The following TIMM21 variants were observed in gnomAD, a reference collection of about 807,000 sequenced individuals.
TIMM21 encodes mitochondrial import inner membrane translocase subunit Tim21.
Under a neutral mutation model 27.7 loss-of-function variants are expected in TIMM21, and 30 were observed. The ratio of observed to expected loss-of-function variants is 1.08; its 90% CI spans 0.81 to 1.47. The LOEUF is 1.47. Among genes scored for constraint, TIMM21 ranks in the 40% most tolerant of loss-of-function variants. The pLI, the probability that TIMM21 is intolerant of heterozygous loss-of-function variation, is 0.00. For missense variants in TIMM21, 292 were observed against 302.9 expected (o/e 0.96, Z 0.27); for synonymous variants, 121 against 114.4 (o/e 1.06, Z -0.37).
rs1356581306 is a variant in TIMM21 at position 74,155,037 on chromosome 18, T to TGTATTA, written c.302-107_302-106insTATTAG. 1.2e-4 allele frequency: 126 copies of TGTATTA among 1,051,930 alleles called. No homozygotes were observed. In the East Asian group the frequency reaches 2.9e-3, roughly 24 times the overall value. The allele number at this position is 1,051,930 out of a possible 1,614,324, so 65.2% of individuals were successfully genotyped here. A position where few individuals can be genotyped will look rare whatever the true frequency, so the allele number is the denominator to read the frequency against. On this transcript the variant is annotated intron_variant, in intron 1 of 5. Transcript: ENST00000169551. ...TGCCCCTGAACACACACAGACCCCT[T>TGTATTA]GCTTTGATCTGGAGGCTGCTTTTCT...
In TIMM21 at chr18:74,152,565, C is replaced by T. The variant is rs1007894121; in HGVS notation, c.302-2580C>T. On this transcript the variant is annotated intron_variant, in intron 1 of 5. Transcript: ENST00000169551. The surrounding 1 kb of genome is among the most constrained non-coding windows in gnomAD (Gnocchi z 4.1). ...TTCCGCCAGCATTCCATCCCAGGTC[C>T]CCATTGGTGAGAGCTGCATCAGCTG... 3.3e-5 allele frequency among the ~76,000 whole-genome samples: 5 copies of T among 152,190 alleles called. No homozygotes were observed. Among genetic ancestry groups the T allele is most frequent in the Non-Finnish European group, 7.3e-5 (5 of 68,044 alleles).
intron 1 of TIMM21, among the ~76,000 whole-genome samples, chr18:74,154,405 G>T (rs950824964): frequency 3.3e-5 from 5 of 152,104 alleles, no homozygotes; most frequent in African/African-American, 1.2e-4. Context: ...GGGACTACAG[G>T]CGCCCGCCAC....
chr18:74,156,381 G>GT (rs59911273), intron 3 of TIMM21: 77,236 of 398,040 alleles, frequency 0.19, 11,980 homozygotes, highest in African/African-American at 0.54. Context: ...TGTTCTACCA[G>GT]TTTTCTAATC....
At position 74,151,945 on chromosome 18, in the gene TIMM21, C is replaced by CCCCG. The variant is rs1555682321; in HGVS notation, c.301+2839_301+2840insGCCC. On this transcript the variant is annotated intron_variant, in intron 1 of 5. Coordinates refer to ENST00000169551, the MANE Select transcript of TIMM21 (RefSeq NM_014177.3). ...AGCAGTGGTGTCTATGTTCCCCCCC[C>CCCCG]CCCCGGGGGGACCTCCAGCTCCTTC... Among the ~76,000 whole-genome samples, 664 of 145,336 alleles carry CCCCG rather than the reference C, an allele frequency of 4.6e-3. 47 individuals carry two copies. Among genetic ancestry groups the CCCCG allele is most frequent in the African/African-American group, 0.014 (533 of 37,142 alleles).
chr18:74,157,658 C>T (rs111971891), intron 3 of TIMM21: 1,899 of 176,242 alleles, frequency 0.011, 42 homozygotes, highest in African/African-American at 0.042. Context: ...TTCAGTGGCA[C>T]GATCTTGGCT....
rs77888289 is a variant in TIMM21 at position 74,150,305 on chromosome 18, A to G, written c.301+1196A>G. Among the ~76,000 whole-genome samples, 137 of 152,326 alleles carry G rather than the reference A, an allele frequency of 9.0e-4. 1 individual carries two copies. The highest frequency in any genetic ancestry group is 3.1e-3 in the African/African-American group (127 of 41,566). The stretch of plus-strand genomic sequence containing the variant: ...AAAACTTTCTGCATAGAAATGTCCT[A>G]TATCTGTGCTGTCCATTTGGGTAGT... On this transcript the variant is annotated intron_variant, in intron 1 of 5. Coordinates refer to ENST00000169551, the MANE Select transcript of TIMM21 (RefSeq NM_014177.3).
In TIMM21 at chr18:74,159,778, A is replaced by C. The variant is rs1980054422; in HGVS notation, c.*1298A>C. 6.6e-6 allele frequency: 1 copy of C among 152,178 alleles called. No individual in the cohort carries two copies. Among genetic ancestry groups the C allele is most frequent in the Admixed American group, 6.5e-5 (1 of 15,286 alleles). 9.4% of individuals were successfully genotyped at this position (152,178 alleles called of 1,614,324 possible). A position where few individuals can be genotyped will look rare whatever the true frequency, so the allele number is the denominator to read the frequency against. Reference sequence around the variant, plus strand: ...CCTTTGCTATAGAATGTTCAGTTTCAGGATTCACTGAAATGTCAACATTTA... The same window carrying C: ...CCTTTGCTATAGAATGTTCAGTTTCCGGATTCACTGAAATGTCAACATTTA... On this transcript the variant is annotated 3_prime_UTR_variant, in exon 6 of 6. Coordinates refer to ENST00000169551, the MANE Select transcript of TIMM21 (RefSeq NM_014177.3).
At chr18:74,151,170 T>C (rs1312585565) in intron 1 of TIMM21, among the ~76,000 whole-genome samples, 1 of 152,212 alleles carries the variant, frequency 6.6e-6, no homozygotes, top group Non-Finnish European at 1.5e-5. Context: ...TTGATAACTG[T>C]AGGTCCTTTT....
chr18:74,155,090 A>G (rs1979913461), intron 1 of TIMM21, 55 bp from the exon 2 acceptor site: 32 of 1,575,846 alleles, frequency 2.0e-5, no homozygotes, highest in Non-Finnish European at 2.5e-5. Flanking sequence ...AGCAGCAGAC[A>G]AGCTTGCCTG....
At chr18:74,156,208 T>C in intron 3 of TIMM21, 1 of 398,602 alleles carries the variant, frequency 2.5e-6, no homozygotes, top group Non-Finnish European at 4.4e-6. Context: ...CAGCAGGTAA[T>C]CGTCTGCCAT....
chr18:74,154,858 C>A (rs1232277472), intron 1 of TIMM21, among the ~76,000 whole-genome samples: 1 of 152,220 alleles, frequency 6.6e-6, no homozygotes, highest in East Asian at 1.9e-4. Flanking sequence ...AGCCAGCACT[C>A]TTCCTAATCT....
intron 1 of TIMM21, among the ~76,000 whole-genome samples, chr18:74,151,949 C>G (rs971196821): frequency 1.3e-4 from 18 of 143,908 alleles, no homozygotes; most frequent in Non-Finnish European, 2.1e-4. Flanking sequence ...CCCCCCCCCC[C>G]GGGGGGACCT....
rs1568189548 is a variant in TIMM21, at chr18:74,149,011, A to T, written c.203A>T (p.Gln68Leu). The T allele has an allele frequency of 6.2e-7, 1 of 1,614,214 alleles. No homozygotes were observed. ...LGVTQKTIWTQGPSPRKAKED... is the reference protein window; with the variant it reads ...LGVTQKTIWTLGPSPRKAKED... ...GTCACCCAGAAAACCATCTGGACGC[A>T]GGGACCGAGCCCCCGAAAAGCAAAG... The change falls in exon 1 of 6, where the codon CAG (glutamine) becomes CTG (leucine). Residue 68 changes from glutamine (Q) to leucine (L), a missense_variant. Gln to Leu is a moderately radical substitution (Grantham distance 113, BLOSUM62 -2). Transcript: ENST00000169551.
intron 3 of TIMM21, 125 bp downstream of exon 3, chr18:74,155,528 G>A (rs942333359): frequency 1.3e-5 from 10 of 760,964 alleles, no homozygotes; most frequent in African/African-American, 8.8e-5. Context: ...ATACATAATG[G>A]TCGAGTCATC....
chr18:74,157,970 C>G lies in TIMM21; in HGVS notation c.463-44C>G, dbSNP rs767414729. The G allele has an allele frequency of 2.5e-6, 4 of 1,588,078 alleles. No individual in the cohort carries two copies. The South Asian group carries it at 4.5e-5, about 18-fold the overall frequency. ...TTGTTAAAAATTATTTCTTTAGAAG[C>G]TTAAAAAAATAACACAAAATAAAGC... is the stretch of plus-strand genomic sequence containing the variant. On this transcript the variant is annotated intron_variant, in intron 3 of 5. Transcript: ENST00000169551.
chr18:74,155,580 T>C (rs1979930311), intron 3 of TIMM21, 177 bp downstream of exon 3: 1 of 597,630 alleles, frequency 1.7e-6, no homozygotes, highest in Non-Finnish European at 2.9e-6. Flanking sequence ...AACCCAAAAG[T>C]CAGTGTACAG....
intron 3 of TIMM21, 92 bp downstream of exon 3, chr18:74,155,495 ACG>A: frequency 9.9e-7 from 1 of 1,010,910 alleles, no homozygotes; most frequent in Non-Finnish European, 1.5e-6. Flanking sequence ...ACCAGTTCTC[ACG>A]CTAGTGAAAT....
At chr18:74,151,924 G>C (rs563927859) in intron 1 of TIMM21, among the ~76,000 whole-genome samples, 1 of 143,176 alleles carries the variant, frequency 7.0e-6, no homozygotes, top group East Asian at 2.2e-4. Context: ...TTAAGAAGCA[G>C]TGGTGTCTAT....
In TIMM21 at chr18:74,148,545, C is replaced by G. The variant is rs367977338; in HGVS notation, c.-264C>G. On this transcript the variant is annotated 5_prime_UTR_variant, in exon 1 of 6. Coordinates refer to ENST00000169551, the MANE Select transcript of TIMM21 (RefSeq NM_014177.3). ...CCCAGGTGACTTTGCGAAGGCATGG[C>G]GGGGACACTGTGAATGTCAGCCCAG... 5.9e-6 allele frequency: 2 copies of G among 338,766 alleles called. No individual in the cohort carries two copies. The highest frequency in any genetic ancestry group is 1.1e-5 in the Non-Finnish European group (2 of 183,968). The allele number at this position is 338,766 out of a possible 1,614,324, so 21.0% of individuals were successfully genotyped here.
Sources: allele counts gnomAD v4.1 joint callset (sites outside exome capture counted in the v4.1 genomes callset), GRCh38; gene constraint gnomAD v4.1.1; non-coding constraint Gnocchi (gnomAD v3.1); transcripts MANE v1.5; gene names NCBI Gene and HGNC (gene_info 2026-07-23, HGNC 2026-07-21).